ARAP1: variants seen among roughly 807,000 people sequenced by gnomAD.
The protein encoded by ARAP1 is ArfGAP with RhoGAP domain, ankyrin repeat and PH domain 1.
A neutral mutation model predicts 172.2 loss-of-function variants in ARAP1; 76 were observed. That is an observed-to-expected ratio of 0.44 (90% CI 0.37 to 0.53). The LOEUF (loss-of-function observed/expected upper bound fraction) is 0.53, where lower values mean the gene tolerates loss of function less well. Ranked by LOEUF, ARAP1 falls within the 20% of genes least tolerant of loss-of-function variation. ARAP1 has a pLI of 0.00. For synonymous variants in ARAP1, 804 were observed against 803.3 expected (o/e 1.00, Z -0.01); for missense variants, 1,686 against 1,977.5 (o/e 0.85, Z 2.80).
At chr11:72,688,633 C>T (rs1446019557) in intron 30 of ARAP1, 96 bp from the exon 31 acceptor site, 40 of 1,049,098 alleles carry the variant, frequency 3.8e-5, no homozygotes, top group Middle Eastern at 5.3e-4. Flanking sequence ...AACTCCCCAG[C>T]CCTCTTTGCA....
rs759735831 is a variant in ARAP1 at position 72,695,529 on chromosome 11, C to T, written c.3507+13G>A. 6 of 1,614,150 alleles carry T rather than the reference C, an allele frequency of 3.7e-6. No homozygotes were observed. The Middle Eastern group carries it at 4.9e-4, about 133-fold the overall frequency. ...GGCAGGTCCAAGCCCCCCACCCAGG[C>T]TCCAGCCTTCACCTGGGTCCCACTG... On this transcript the variant is annotated intron_variant, in intron 25 of 34. Transcript: ENST00000393609. This position sits in a 1 kb window ranked among gnomAD's most constrained non-coding sequence, Gnocchi z 4.4.
Position 72,687,516 on chromosome 11 carries a change from C to T in ARAP1, c.4122-14G>A, listed in dbSNP as rs765997504. ...CAGCAGAGGTACCTGCAGGGTTGGACGCGGACCCACATGATGCCAAAGGCC... is the reference window on the plus strand; with the variant it reads ...CAGCAGAGGTACCTGCAGGGTTGGATGCGGACCCACATGATGCCAAAGGCC... On this transcript the variant is annotated splice_polypyrimidine_tract_variant and intron_variant, in intron 32 of 34. Transcript: ENST00000393609. The T allele has an allele frequency of 1.9e-6, 3 of 1,614,134 alleles. No homozygotes were observed. Among genetic ancestry groups the T allele is most frequent in the Non-Finnish European group, 2.5e-6 (3 of 1,180,022 alleles).
Position 72,697,053 on chromosome 11 carries a change from CT to C in ARAP1, c.3095del (p.Lys1032SerfsTer18). 6.2e-7 allele frequency: 1 copy of C among 1,610,342 alleles called. No homozygotes were observed. The highest frequency in any genetic ancestry group is 8.5e-7 in the Non-Finnish European group (1 of 1,179,934). On this transcript the variant is annotated frameshift_variant, in exon 22 of 35. Transcript: ENST00000393609. LOFTEE classifies it high-confidence loss of function. The stretch of plus-strand genomic sequence containing the variant: ...CATCAGGCAGGTCGCGCAGGAAGCG[CT>C]TGAGCGCCGAGGAAACATCATCCAC... ...QHVDDVSSAL[K>X]RFLRDLPDGL...
At chr11:72,738,212 G>A (rs1208197775) in intron 1 of ARAP1, among the ~76,000 whole-genome samples, 2 of 152,204 alleles carry the variant, frequency 1.3e-5, no homozygotes, top group African/African-American at 4.8e-5. Flanking sequence ...GGTGACAGGA[G>A]ATGTCAGTGG....
chr11:72,713,357 C>T, intron 4 of ARAP1, 114 bp from the exon 5 acceptor site: 2 of 960,164 alleles, frequency 2.1e-6, no homozygotes, highest in Non-Finnish European at 1.6e-6. Context: ...TCCCCACCTC[C>T]CCCTGGCTTT....
chr11:72,695,703 T>C lies in ARAP1; in HGVS notation c.3420+15A>G. The C allele has an allele frequency of 3.1e-6, 5 of 1,614,154 alleles. No homozygotes were observed. Among genetic ancestry groups the C allele is most frequent in the Non-Finnish European group, 4.2e-6 (5 of 1,179,990 alleles). On this transcript the variant is annotated intron_variant, in intron 24 of 34. Transcript: ENST00000393609. The surrounding 1 kb of genome is among the most constrained non-coding windows in gnomAD (Gnocchi z 4.4). Reference sequence around the variant, plus strand: ...ATCACCCCTGCCCTCCACTGCCCACTGGCCAGGGACGCACACTAAACACCA... The same window carrying C: ...ATCACCCCTGCCCTCCACTGCCCACCGGCCAGGGACGCACACTAAACACCA...
chr11:72,721,581 G>C (rs985339849), intron 3 of ARAP1, among the ~76,000 whole-genome samples: 2 of 152,252 alleles, frequency 1.3e-5, no homozygotes, highest in Non-Finnish European at 2.9e-5. Context: ...GCTCCTGGTG[G>C]ACCCAGGAGA....
chr11:72,720,149 G>A (rs950400920), intron 3 of ARAP1, among the ~76,000 whole-genome samples: 3 of 152,180 alleles, frequency 2.0e-5, no homozygotes, highest in African/African-American at 7.2e-5. Flanking sequence ...CCCAGCCCCT[G>A]GACTCTCACC....
rs548452822 is a variant in ARAP1 at position 72,692,055 on chromosome 11, G to A, written c.3987+698C>T. 6.6e-5 allele frequency among the ~76,000 whole-genome samples: 10 copies of A among 152,184 alleles called. No homozygotes were observed. The East Asian group carries it at 7.7e-4, about 12-fold the overall frequency. ...GCCCGATGTTCACCTCCTGTTGCAC[G>A]GCCCTGTTCCCAACAGTTGGGGACC... On this transcript the variant is annotated intron_variant, in intron 30 of 34. Coordinates refer to ENST00000393609, the MANE Select transcript of ARAP1 (RefSeq NM_001040118.3).
At chr11:72,721,800 C>T in intron 3 of ARAP1, 7 of 986,166 alleles carry the variant, frequency 7.1e-6, no homozygotes, top group Non-Finnish European at 7.2e-6. Context: ...CCCAGGGCCT[C>T]CCTCCTACGT....
chr11:72,735,575 G>A (rs1293559601), intron 1 of ARAP1, among the ~76,000 whole-genome samples: 6 of 152,106 alleles, frequency 3.9e-5, no homozygotes, highest in East Asian at 3.9e-4. Context: ...CAGCCTGGGC[G>A]ACAGAGTGAG....
intron 1 of ARAP1, among the ~76,000 whole-genome samples, chr11:72,747,275 C>A (rs1163023381): frequency 6.6e-6 from 1 of 152,208 alleles, no homozygotes; most frequent in African/African-American, 2.4e-5. Flanking sequence ...TTTAACACAT[C>A]CCCTCAGGGA....
chr11:72,715,892 G>T (rs1000050264), intron 3 of ARAP1, among the ~76,000 whole-genome samples: 50 of 152,098 alleles, frequency 3.3e-4, no homozygotes, highest in African/African-American at 1.2e-3. Context: ...CATACAAATG[G>T]CTGGGTGCAG....
chr11:72,738,955 C>G (rs1858121210), intron 1 of ARAP1, among the ~76,000 whole-genome samples: 1 of 152,042 alleles, frequency 6.6e-6, no homozygotes, highest in South Asian at 2.1e-4. Flanking sequence ...GGTGATACCT[C>G]TGCATAGGGC....
chr11:72,719,106 T>G (rs976232195), intron 3 of ARAP1, among the ~76,000 whole-genome samples: 3 of 152,126 alleles, frequency 2.0e-5, no homozygotes, highest in Non-Finnish European at 2.9e-5. Flanking sequence ...CAGCTGGTAT[T>G]TGAACCCTGG....
At position 72,705,803 on chromosome 11, in the gene ARAP1, A is replaced by T. The variant is rs1457404255; in HGVS notation, c.1809+2T>A. The T allele has an allele frequency of 6.2e-7, 1 of 1,613,908 alleles. No individual in the cohort carries two copies. Among genetic ancestry groups the T allele is most frequent in the Non-Finnish European group, 8.5e-7 (1 of 1,179,948 alleles). On this transcript the variant is annotated splice_donor_variant, in intron 13 of 34. Coordinates refer to ENST00000393609, the MANE Select transcript of ARAP1 (RefSeq NM_001040118.3). LOFTEE classifies it high-confidence loss of function. ...ATCGGTGGCAAGCAGGGGCATCCCC[A>T]CCTCGATAAGTGTTTCTGTCCACAC...
At chr11:72,737,591 C>A (rs1233438290) in intron 1 of ARAP1, among the ~76,000 whole-genome samples, 1 of 152,058 alleles carries the variant, frequency 6.6e-6, no homozygotes, top group African/African-American at 2.4e-5. Flanking sequence ...ACCATGTGCC[C>A]AGCCCCTGCT....
chr11:72,727,495 T>C (rs1471950569), intron 2 of ARAP1, among the ~76,000 whole-genome samples: 1 of 152,342 alleles, frequency 6.6e-6, no homozygotes, highest in African/African-American at 2.4e-5. Context: ...GCCGTGAGAA[T>C]GGCCAGTGGC....
intron 3 of ARAP1, among the ~76,000 whole-genome samples, chr11:72,717,275 C>G (rs150685062): frequency 6.6e-6 from 1 of 152,152 alleles, no homozygotes; most frequent in East Asian, 1.9e-4. Context: ...CTTGGAAACC[C>G]GGCCTGGGAT....
Sources: gnomAD v4.1 joint callset for allele counts (sites outside exome capture counted in the v4.1 genomes callset) on GRCh38, gnomAD v4.1.1 for gene constraint, Gnocchi (gnomAD v3.1) non-coding constraint, MANE v1.5 for transcripts, NCBI Gene and HGNC (gene_info 2026-07-23, HGNC 2026-07-21) for gene names.